The following CIB1 variants were observed in gnomAD, a reference collection of about 807,000 sequenced individuals.
CIB1 encodes calcium and integrin-binding protein 1.
A neutral mutation model predicts 25.0 loss-of-function variants in CIB1; 19 were observed. That is an observed-to-expected ratio of 0.76 (90% confidence interval 0.53 to 1.12). The LOEUF (loss-of-function observed/expected upper bound fraction) is 1.12, where lower values mean the gene tolerates loss of function less well. Ranked by LOEUF, CIB1 falls within the 50% of genes most tolerant of loss-of-function variation. CIB1 has a pLI of 0.00. For synonymous variants in CIB1, 104 were observed against 98.5 expected (o/e 1.06, Z -0.33); for missense variants, 236 against 242.6 (o/e 0.97, Z 0.18).
chr15:90,234,219 CG>C (rs1962582703), upstream of CIB1: 1 of 266,044 alleles, frequency 3.8e-6, no homozygotes. Context: ...GTATGCGTCA[CG>C]GGCGTCATGA....
At position 90,231,521 on chromosome 15, in the gene CIB1, C is replaced by G; in HGVS notation, c.196-14G>C. 1 of 1,611,956 alleles carries G rather than the reference C, an allele frequency of 6.2e-7. No individual in the cohort carries two copies. The highest frequency in any genetic ancestry group is 8.5e-7 in the Non-Finnish European group (1 of 1,179,012). ...GAAGGGGTTGGCCTAGGAGAACAAA[C>G]GCCACAGGACGTGGCCCAGGTCACA... is the stretch of plus-strand genomic sequence containing the variant. On this transcript the variant is annotated splice_polypyrimidine_tract_variant and intron_variant, in intron 3 of 6. Coordinates refer to ENST00000328649, the MANE Select transcript of CIB1 (RefSeq NM_006384.4).
chr15:90,256,552 T>G, the CIB1 span, among the ~76,000 whole-genome samples: 1 of 26,508 alleles, frequency 3.8e-5, no homozygotes, highest in Non-Finnish European at 7.0e-5. Context: ...CCTTTTTCTT[T>G]CTTTCTTTCT....
upstream of CIB1, among the ~76,000 whole-genome samples, chr15:90,237,918 T>A (rs1262874738): frequency 6.6e-6 from 1 of 152,080 alleles, no homozygotes; most frequent in Admixed American, 6.5e-5. Flanking sequence ...AGATACTACA[T>A]TTGATCATCA....
chr15:90,250,783 G>A, the CIB1 span: 2 of 1,614,102 alleles, frequency 1.2e-6, no homozygotes, highest in East Asian at 2.2e-5. Flanking sequence ...TAAAAAATGG[G>A]GTTCCCTCAC....
Position 90,233,924 on chromosome 15 carries a change from G to A in CIB1, c.-39C>T, listed in dbSNP as rs1962572661. The A allele has an allele frequency of 1.4e-6, 2 of 1,447,336 alleles. No individual in the cohort carries two copies. Among genetic ancestry groups the A allele is most frequent in the South Asian group, 2.9e-5 (2 of 68,934 alleles). 89.7% of individuals were successfully genotyped at this position (1,447,336 alleles called of 1,614,324 possible). ...GCACAGCTCCGCCAACTCGCCTCGA[G>A]ACGCAGACAACTTTCTCACTTCCGC... On this transcript the variant is annotated 5_prime_UTR_variant, in exon 1 of 7. Transcript: ENST00000328649.
the CIB1 span, chr15:90,263,362 G>T: frequency 4.0e-5 from 21 of 528,202 alleles, no homozygotes; most frequent in Non-Finnish European, 6.7e-5. Flanking sequence ...CCAGCAAGTT[G>T]CAGCTCCAAA....
the CIB1 span, chr15:90,241,005 C>T: frequency 6.2e-7 from 1 of 1,613,940 alleles, no homozygotes; most frequent in Non-Finnish European, 8.5e-7. Flanking sequence ...TGTTTATGGG[C>T]AGAAGGATCT....
the CIB1 span, chr15:90,257,784 C>T: frequency 1.3e-6 from 2 of 1,526,952 alleles, no homozygotes; most frequent in South Asian, 2.3e-5. Flanking sequence ...CCCAGTAGCC[C>T]ATGAAACCAA....
chr15:90,230,869 C>A, intron 6 of CIB1, 65 bp downstream of exon 6: 1 of 1,377,156 alleles, frequency 7.3e-7, no homozygotes, highest in Non-Finnish European at 1.0e-6. Context: ...TAGCCATGCC[C>A]TAGGCCCAGA....
intron 4 of CIB1, 39 bp from the exon 5 acceptor site, chr15:90,231,252 G>C (rs1962480760): frequency 6.2e-7 from 1 of 1,608,750 alleles, no homozygotes; most frequent in African/African-American, 1.3e-5. Context: ...ACACGGTTGG[G>C]AGGGGCTCTG....
At chr15:90,263,830 C>T in the CIB1 span, 3 of 740,130 alleles carry the variant, frequency 4.1e-6, no homozygotes, top group Middle Eastern at 4.5e-4. Flanking sequence ...TGCCACAGAG[C>T]AGGGCGCTCC....
chr15:90,242,214 A>T, the CIB1 span: 13 of 422,080 alleles, frequency 3.1e-5, no homozygotes, highest in East Asian at 5.3e-5. Flanking sequence ...CAGCCTCTTG[A>T]GTAGCTGAGA....
At chr15:90,254,658 A>G in the CIB1 span, among the ~76,000 whole-genome samples, 5 of 152,062 alleles carry the variant, frequency 3.3e-5, no homozygotes, top group Non-Finnish European at 7.4e-5. Context: ...GGCAACAGGC[A>G]AAACCCCATC....
upstream of CIB1, among the ~76,000 whole-genome samples, chr15:90,237,216 C>T (rs1567071412): frequency 6.6e-6 from 1 of 151,996 alleles, no homozygotes; most frequent in Non-Finnish European, 1.5e-5. Context: ...ACCTTGGCCC[C>T]CCAGAGTGCT....
intron 6 of CIB1, 149 bp downstream of exon 6, chr15:90,230,785 G>T: frequency 1.3e-6 from 1 of 774,192 alleles, no homozygotes; most frequent in Non-Finnish European, 2.2e-6. Flanking sequence ...GCCCCTGCCC[G>T]GGGCGAGACT....
the CIB1 span, chr15:90,259,007 CT>C: frequency 6.2e-7 from 1 of 1,606,490 alleles, no homozygotes; most frequent in Non-Finnish European, 8.5e-7. Context: ...AGAATGTGGC[CT>C]GGGGCTGATT....
chr15:90,262,362 C>T, the CIB1 span: 20 of 1,160,582 alleles, frequency 1.7e-5, no homozygotes, highest in African/African-American at 2.3e-4. Context: ...CTATCTTCCC[C>T]TCTCATTGCT....
At chr15:90,262,977 A>G in the CIB1 span, 1 of 1,535,594 alleles carries the variant, frequency 6.5e-7, no homozygotes, top group Non-Finnish European at 8.7e-7. Context: ...TGCTGCCGGG[A>G]CAGCTGGACA....
At chr15:90,251,697 G>T in the CIB1 span, 6 of 1,343,522 alleles carry the variant, frequency 4.5e-6, no homozygotes, top group South Asian at 7.1e-5. Context: ...CAGCCCCTGG[G>T]GCCTGGCGGG....
Sources: gnomAD v4.1 joint callset for allele counts (sites outside exome capture counted in the v4.1 genomes callset) on GRCh38, gnomAD v4.1.1 for gene constraint, MANE v1.5 for transcripts, NCBI Gene and HGNC (gene_info 2026-07-23, HGNC 2026-07-21) for gene names.